ENTPD7: variants seen among roughly 807,000 people sequenced by gnomAD.
The protein encoded by ENTPD7 is NTPDase 7.
A neutral mutation model predicts 77.9 loss-of-function variants in ENTPD7; 53 were observed. The observed-to-expected ratio is 0.68, with a 90% CI of 0.55 to 0.85. The LOEUF (loss-of-function observed/expected upper bound fraction) is 0.85. ENTPD7 is among the 40% of genes least tolerant of loss of function. The pLI, the probability that ENTPD7 is intolerant of heterozygous loss-of-function variation, is 0.00. For synonymous variants in ENTPD7, 248 were observed against 274.9 expected (o/e 0.90, Z 0.97); for missense variants, 636 against 743.7 (o/e 0.86, Z 1.68).
rs1368501359 is a variant in ENTPD7, at chr10:99,708,198, C to T, written c.*3515C>T. Among the ~76,000 whole-genome samples, 2 of 152,126 alleles carry T rather than the reference C, an allele frequency of 1.3e-5. No individual in the cohort carries two copies. Among genetic ancestry groups the T allele is most frequent in the South Asian group, 2.1e-4 (1 of 4,816 alleles). On this transcript the variant is annotated 3_prime_UTR_variant, in exon 13 of 13. Transcript: ENST00000370489. ...TCATCCTAAGAGATTCCTTTAACTT[C>T]AAGATCATATCCAGTGATTGCTGAA...
At chr10:99,698,452 T>C in intron 9 of ENTPD7, 82 bp from the exon 10 acceptor site, 1 of 1,344,676 alleles carries the variant, frequency 7.4e-7, no homozygotes, top group South Asian at 1.4e-5. Flanking sequence ...AAGATATTTC[T>C]GATGCACATT....
At chr10:99,671,443 A>G (rs2133448383) in intron 3 of ENTPD7, among the ~76,000 whole-genome samples, 1 of 152,326 alleles carries the variant, frequency 6.6e-6, no homozygotes, top group East Asian at 1.9e-4. Flanking sequence ...TTTGTTAGAA[A>G]TGAAAACAGA....
At chr10:99,694,484 C>T (rs1329577369) in intron 8 of ENTPD7, among the ~76,000 whole-genome samples, 1 of 151,276 alleles carries the variant, frequency 6.6e-6, no homozygotes, top group African/African-American at 2.4e-5. Flanking sequence ...CTATTATGCA[C>T]AGTGCTGCTG....
chr10:99,677,832 C>T (rs1168641705), intron 3 of ENTPD7, among the ~76,000 whole-genome samples: 7 of 152,068 alleles, frequency 4.6e-5, no homozygotes, highest in Non-Finnish European at 8.8e-5. Context: ...ATACCCTTCA[C>T]TCTCCTTGTT....
chr10:99,678,960 G>T (rs2035718551), intron 3 of ENTPD7, among the ~76,000 whole-genome samples: 1 of 149,930 alleles, frequency 6.7e-6, no homozygotes, highest in African/African-American at 2.5e-5. Context: ...ATTTATTCAG[G>T]GCTACAAGCT....
At chr10:99,693,546 T>A (rs1352133601) in intron 8 of ENTPD7, among the ~76,000 whole-genome samples, 1 of 152,222 alleles carries the variant, frequency 6.6e-6, no homozygotes, top group Non-Finnish European at 1.5e-5. Flanking sequence ...CTTTTGTGTG[T>A]GTGCAGATTT....
In ENTPD7 at chr10:99,685,913, G is replaced by T; in HGVS notation, c.652+18G>T. Reference sequence around the variant, plus strand: ...GCAGGAAGGTACTGGGCCTTAAGGGGTGCAGCTGGTTAACCTCTAAGCCAA... The same window carrying T: ...GCAGGAAGGTACTGGGCCTTAAGGGTTGCAGCTGGTTAACCTCTAAGCCAA... On this transcript the variant is annotated intron_variant, in intron 6 of 12. Transcript: ENST00000370489. The T allele has an allele frequency of 6.4e-7, 1 of 1,565,544 alleles. No homozygotes were observed. The highest frequency in any genetic ancestry group is 8.8e-7 in the Non-Finnish European group (1 of 1,138,282).
intron 3 of ENTPD7, among the ~76,000 whole-genome samples, chr10:99,666,869 C>A (rs1214685923): frequency 6.6e-6 from 1 of 152,164 alleles, no homozygotes; most frequent in East Asian, 1.9e-4. Context: ...GGTATACTTT[C>A]TACTGAATGT....
In ENTPD7 at chr10:99,707,178, T is replaced by C. The variant is rs1435180966; in HGVS notation, c.*2495T>C. Among the ~76,000 whole-genome samples, 2 of 152,212 alleles carry C rather than the reference T, an allele frequency of 1.3e-5. No homozygotes were observed. The highest frequency in any genetic ancestry group is 6.5e-5 in the Admixed American group (1 of 15,286). ...TCTTATTTTGTCTTGGAGTGTTTAA[T>C]GTGTTATTTCCTGTTCATTACTTTA... On this transcript the variant is annotated 3_prime_UTR_variant, in exon 13 of 13. Transcript: ENST00000370489.
Position 99,679,473 on chromosome 10 carries a change from A to G in ENTPD7, c.397+7A>G, listed in dbSNP as rs748607179. ...GTTAAAAAAATCAAGCCAGGTACTA[A>G]TCAGAATATATTTTGTTGTCAGTCT... On this transcript the variant is annotated splice_region_variant and intron_variant, in intron 4 of 12. Transcript: ENST00000370489. 8 of 1,604,188 alleles carry G rather than the reference A, an allele frequency of 5.0e-6. No individual in the cohort carries two copies. The Admixed American group carries it at 1.2e-4, about 24-fold the overall frequency.
chr10:99,703,322 C>A (rs1297985203), intron 12 of ENTPD7, among the ~76,000 whole-genome samples: 1 of 152,174 alleles, frequency 6.6e-6, no homozygotes, highest in Non-Finnish European at 1.5e-5. Context: ...AAACTCAATA[C>A]CGTCAGCAGC....
In ENTPD7 at chr10:99,711,192, CTCA is replaced by C. The variant is rs1162414162; in HGVS notation, c.*6515_*6517del. ...GCAACCAGTTGTTTTTCCAAATGTACTCATCATCTGTAATAAAAGAAAAATGAA... is the reference window on the plus strand; with the variant it reads ...GCAACCAGTTGTTTTTCCAAATGTACTCATCTGTAATAAAAGAAAAATGAA... On this transcript the variant is annotated 3_prime_UTR_variant, in exon 13 of 13. Coordinates refer to ENST00000370489, the MANE Select transcript of ENTPD7 (RefSeq NM_020354.5). The C allele has an allele frequency of 5.1e-6, 5 of 985,146 alleles. No individual in the cohort carries two copies. In the African/African-American group the frequency reaches 5.2e-5, roughly 10 times the overall value. The allele number at this position is 985,146 out of a possible 1,614,324, so 61.0% of individuals were successfully genotyped here. A position where few individuals can be genotyped will look rare whatever the true frequency, so the allele number is the denominator to read the frequency against.
At position 99,707,264 on chromosome 10, in the gene ENTPD7, T is replaced by C. The variant is rs2036271630; in HGVS notation, c.*2581T>C. ...AGCAAGGTCTCCAGGAGTTCCACAGTACTGAAGGAAAATTTTGTCATATCC... is the reference window on the plus strand; with the variant it reads ...AGCAAGGTCTCCAGGAGTTCCACAGCACTGAAGGAAAATTTTGTCATATCC... On this transcript the variant is annotated 3_prime_UTR_variant, in exon 13 of 13. Coordinates refer to ENST00000370489, the MANE Select transcript of ENTPD7 (RefSeq NM_020354.5). Among the ~76,000 whole-genome samples the C allele has an allele frequency of 6.6e-6, 1 of 152,196 alleles. No individual in the cohort carries two copies. Among genetic ancestry groups the C allele is most frequent in the Non-Finnish European group, 1.5e-5 (1 of 68,034 alleles).
In ENTPD7 at chr10:99,706,941, C is replaced by G. The variant is rs1313456784; in HGVS notation, c.*2258C>G. ...ATGTGCTAAAAATGAACTTGAAACA[C>G]GGAAGTAGTGGTTGGTCCAGTTTGA... On this transcript the variant is annotated 3_prime_UTR_variant, in exon 13 of 13. Coordinates refer to ENST00000370489, the MANE Select transcript of ENTPD7 (RefSeq NM_020354.5). Among the ~76,000 whole-genome samples, 1 of 152,108 alleles carries G rather than the reference C, an allele frequency of 6.6e-6. No individual in the cohort carries two copies. Among genetic ancestry groups the G allele is most frequent in the African/African-American group, 2.4e-5 (1 of 41,418 alleles).
rs962529742 is a variant in ENTPD7, at chr10:99,705,883, ACC to A, written c.*1202_*1203del. ...GAAAAGCCATAATAATTACATCTTC[ACC>A]CACTACCCTTCCAGAGCTTTGCTTC... is the stretch of plus-strand genomic sequence containing the variant. On this transcript the variant is annotated 3_prime_UTR_variant, in exon 13 of 13. Transcript: ENST00000370489. 6.6e-6 allele frequency: 1 copy of A among 152,118 alleles called. No homozygotes were observed. Among genetic ancestry groups the A allele is most frequent in the African/African-American group, 2.4e-5 (1 of 41,426 alleles). The allele number at this position is 152,118 out of a possible 1,614,324, so 9.4% of individuals were successfully genotyped here.
intron 3 of ENTPD7, among the ~76,000 whole-genome samples, chr10:99,675,745 C>T (rs555323254): frequency 1.5e-4 from 23 of 151,754 alleles, no homozygotes; most frequent in South Asian, 1.0e-3. Flanking sequence ...TACAGGCGCC[C>T]GCCACCACGC....
Position 99,660,277 on chromosome 10 carries a change from G to GT in ENTPD7, c.8+320dup, listed in dbSNP as rs1006369687. 49 of 982,824 alleles carry GT rather than the reference G, an allele frequency of 5.0e-5. No individual in the cohort carries two copies. The Admixed American group carries it at 1.5e-3, about 30-fold the overall frequency. The allele number at this position is 982,824 out of a possible 1,614,324, so 60.9% of individuals were successfully genotyped here. ...CCACTTGAGGAGGTTAAACAAAGAA[G>GT]TTTTTTTGTTTTTTGTTTGCAGTGA... On this transcript the variant is annotated intron_variant, in intron 2 of 12. Coordinates refer to ENST00000370489, the MANE Select transcript of ENTPD7 (RefSeq NM_020354.5).
At chr10:99,660,978 TG>T (rs2035477985) in intron 2 of ENTPD7, among the ~76,000 whole-genome samples, 1 of 152,098 alleles carries the variant, frequency 6.6e-6, no homozygotes, top group African/African-American at 2.4e-5. Flanking sequence ...TGAGAGATTG[TG>T]GGGTCAGGGC....
rs1053655051 is a variant in ENTPD7 at position 99,669,951 on chromosome 10, G to A, written c.191+8323G>A. Among the ~76,000 whole-genome samples the A allele has an allele frequency of 1.4e-3, 212 of 151,806 alleles. 1 individual carries two copies. Among genetic ancestry groups the A allele is most frequent in the Middle Eastern group, 6.8e-3 (2 of 294 alleles). On this transcript the variant is annotated intron_variant, in intron 3 of 12. Coordinates refer to ENST00000370489, the MANE Select transcript of ENTPD7 (RefSeq NM_020354.5). ...TTTTTAGTAGAGACGGGGTTTCACCGTGTTAGCCAGGATGGTCTTGATCTC... is the reference window on the plus strand; with the variant it reads ...TTTTTAGTAGAGACGGGGTTTCACCATGTTAGCCAGGATGGTCTTGATCTC...
Sources: gnomAD v4.1 joint callset for allele counts (sites outside exome capture counted in the v4.1 genomes callset) on GRCh38, gnomAD v4.1.1 for gene constraint, MANE v1.5 for transcripts, NCBI Gene and HGNC (gene_info 2026-07-23, HGNC 2026-07-21) for gene names.